The following EEIG1 variants were observed in gnomAD, a reference collection of about 807,000 sequenced individuals.
EEIG1 encodes estrogen-induced osteoclastogenesis regulator 1.
chr9:127,979,762 G>A, the EEIG1 span, among the ~76,000 whole-genome samples: 2 of 152,222 alleles, frequency 1.3e-5, no homozygotes, highest in African/African-American at 4.8e-5. Flanking sequence ...GCGGCACGCA[G>A]GGCCCCAAGA....
the EEIG1 span, chr9:127,948,422 G>A: frequency 6.2e-7 from 1 of 1,613,910 alleles, no homozygotes. Context: ...GACCTGTGGC[G>A]AGGGGAGCAA....
At chr9:127,953,526 A>C in the EEIG1 span, 2 of 1,584,776 alleles carry the variant, frequency 1.3e-6, no homozygotes, top group Non-Finnish European at 1.7e-6. Flanking sequence ...TGCCTGTCCC[A>C]TGCCACCCCC....
the EEIG1 span, among the ~76,000 whole-genome samples, chr9:127,966,225 A>G: frequency 6.6e-6 from 1 of 152,204 alleles, no homozygotes; most frequent in South Asian, 2.1e-4. Flanking sequence ...CGTCAGGGTT[A>G]GGTGAAAGGA....
the EEIG1 span, among the ~76,000 whole-genome samples, chr9:127,963,081 G>A: frequency 5.2e-5 from 8 of 152,386 alleles, no homozygotes; most frequent in Non-Finnish European, 4.4e-5. Flanking sequence ...ATGGCCAGAA[G>A]GCAGGCAGGG....
chr9:127,953,215 T>A, the EEIG1 span: 1 of 270,998 alleles, frequency 3.7e-6, no homozygotes, highest in African/African-American at 2.2e-5. Context: ...ACCACACGCA[T>A]ACATTTTATT....
chr9:127,975,597 C>T, the EEIG1 span, among the ~76,000 whole-genome samples: 8 of 152,108 alleles, frequency 5.3e-5, no homozygotes, highest in African/African-American at 1.9e-4. Context: ...TGTAAGTGGC[C>T]GTAGCAAGTC....
the EEIG1 span, among the ~76,000 whole-genome samples, chr9:127,951,980 G>A: frequency 9.2e-5 from 14 of 152,200 alleles, no homozygotes; most frequent in Non-Finnish European, 1.8e-4. Context: ...TGTATAATGG[G>A]AGTAAAGCCT....
the EEIG1 span, chr9:127,948,097 T>C: frequency 1.2e-6 from 2 of 1,612,706 alleles, no homozygotes; most frequent in South Asian, 1.1e-5. Flanking sequence ...GGGCCGAGCC[T>C]TGGGGGGCCG....
At chr9:127,977,375 G>C in the EEIG1 span, among the ~76,000 whole-genome samples, 3 of 152,254 alleles carry the variant, frequency 2.0e-5, no homozygotes, top group African/African-American at 4.8e-5. Flanking sequence ...TTCCCTAATG[G>C]GGAAGCAGGT....
the EEIG1 span, among the ~76,000 whole-genome samples, chr9:127,966,483 T>A: frequency 6.7e-6 from 1 of 148,726 alleles, no homozygotes; most frequent in African/African-American, 2.5e-5. Flanking sequence ...GGTGTGGGCA[T>A]CCCTATTTTA....
chr9:127,975,110 G>T, the EEIG1 span, among the ~76,000 whole-genome samples: 4 of 152,374 alleles, frequency 2.6e-5, no homozygotes, highest in African/African-American at 9.6e-5. Flanking sequence ...AGGGACCAGG[G>T]GGGTGGAGGC....
chr9:127,973,858 A>G, the EEIG1 span, among the ~76,000 whole-genome samples: 2 of 152,154 alleles, frequency 1.3e-5, no homozygotes, highest in African/African-American at 4.8e-5. This position sits in a 1 kb window ranked among gnomAD's most constrained non-coding sequence, Gnocchi z 4.2. Context: ...GGCAGCACAC[A>G]TCAGACATCC....
At chr9:127,952,715 T>A in the EEIG1 span, among the ~76,000 whole-genome samples, 1 of 152,130 alleles carries the variant, frequency 6.6e-6, no homozygotes, top group Admixed American at 6.5e-5. Flanking sequence ...AATCTGTTTA[T>A]TTATTTATTT....
chr9:127,957,496 T>C, the EEIG1 span, among the ~76,000 whole-genome samples: 1 of 152,238 alleles, frequency 6.6e-6, no homozygotes, highest in Non-Finnish European at 1.5e-5. Flanking sequence ...CCCATGTTCA[T>C]GGATCGGAAG....
the EEIG1 span, chr9:127,963,684 C>G: frequency 6.6e-6 from 1 of 152,386 alleles, no homozygotes. Context: ...TGACCCATCC[C>G]AGGAAGCACG....
chr9:127,942,564 G>A, the EEIG1 span: 6 of 155,736 alleles, frequency 3.9e-5, no homozygotes, highest in Middle Eastern at 3.3e-3. Flanking sequence ...CAGGGGTCTC[G>A]ATCTGGAGTG....
At chr9:127,941,519 G>A in the EEIG1 span, 1 of 152,464 alleles carries the variant, frequency 6.6e-6, no homozygotes, top group Non-Finnish European at 1.5e-5. Context: ...CGAACACTCT[G>A]TCCCGCCTCG....
the EEIG1 span, chr9:127,943,397 C>T: frequency 3.6e-5 from 24 of 669,034 alleles, 1 homozygote; most frequent in East Asian, 8.1e-5. Context: ...AAGTCCCTTG[C>T]CCACAGTGAC....
the EEIG1 span, among the ~76,000 whole-genome samples, chr9:127,964,121 G>C: frequency 6.6e-6 from 1 of 152,288 alleles, no homozygotes; most frequent in African/African-American, 2.4e-5. Flanking sequence ...GGCTGGTGAC[G>C]AGGAGAGGCC....
Sources: allele counts gnomAD v4.1 joint callset (sites outside exome capture counted in the v4.1 genomes callset), GRCh38; gene constraint gnomAD v4.1.1; non-coding constraint Gnocchi (gnomAD v3.1); transcripts MANE v1.5; gene names NCBI Gene and HGNC (gene_info 2026-07-23, HGNC 2026-07-21).